The following ZNF157 variants were observed in gnomAD, a reference collection of about 807,000 sequenced individuals.
ZNF157 encodes zinc finger protein 22.
Under a neutral mutation model 9.4 loss-of-function variants are expected in ZNF157, and 8 were observed. The observed-to-expected ratio is 0.85, with a 90% CI of 0.50 to 1.53. ZNF157 has a LOEUF of 1.53. Ranked by LOEUF, ZNF157 falls within the 40% of genes most tolerant of loss-of-function variation. The pLI, the probability that ZNF157 is intolerant of heterozygous loss-of-function variation, is 0.00. For missense variants in ZNF157, 316 were observed against 385.2 expected (o/e 0.82, Z 1.50); for synonymous variants, 120 against 130.8 (o/e 0.92, Z 0.56).
chrX:47,386,472 T>C (rs1041999849), intron 1 of ZNF157, among the ~76,000 whole-genome samples: 1 of 111,612 alleles, frequency 9.0e-6, no homozygotes, highest in Non-Finnish European at 1.9e-5. Flanking sequence ...TTTTTTTGTT[T>C]TTTTTTGAGA....
intron 1 of ZNF157, among the ~76,000 whole-genome samples, chrX:47,403,360 TCTCA>T (rs759129674): frequency 4.2e-4 from 46 of 110,472 alleles, no homozygotes; most frequent in Middle Eastern, 9.4e-3. Flanking sequence ...TGAGATGGGG[TCTCA>T]CTCTTGTCAC....
intron 1 of ZNF157, among the ~76,000 whole-genome samples, chrX:47,410,017 T>G (rs761523777): frequency 3.6e-5 from 4 of 111,550 alleles, no homozygotes; most frequent in Non-Finnish European, 5.6e-5. Context: ...TTTCATTGGT[T>G]TTCCAGAAAT....
intron 1 of ZNF157, among the ~76,000 whole-genome samples, chrX:47,384,161 C>T (rs1455772832): frequency 9.1e-6 from 1 of 110,163 alleles, no homozygotes; most frequent in Non-Finnish European, 1.9e-5. Flanking sequence ...GCCTGTACTC[C>T]CAGCTTCTCA....
At chrX:47,405,293 G>T (rs1426765171) in intron 1 of ZNF157, among the ~76,000 whole-genome samples, 1 of 110,618 alleles carries the variant, frequency 9.0e-6, no homozygotes, top group East Asian at 2.8e-4. Flanking sequence ...GGAGGCTGAG[G>T]CAGGAGAATC....
At chrX:47,388,395 T>C (rs1602764247) in intron 1 of ZNF157, among the ~76,000 whole-genome samples, 2 of 109,487 alleles carry the variant, frequency 1.8e-5, no homozygotes, top group Admixed American at 2.0e-4. Flanking sequence ...TGTGTTTTTT[T>C]GTTTTTTTTT....
chrX:47,406,678 A>G (rs910359453), intron 1 of ZNF157, among the ~76,000 whole-genome samples: 1 of 112,419 alleles, frequency 8.9e-6, no homozygotes, highest in Non-Finnish European at 1.9e-5. Flanking sequence ...CCCGGCCGAA[A>G]CATGATTGAC....
chrX:47,397,483 C>T (rs772196290), intron 1 of ZNF157, among the ~76,000 whole-genome samples: 59 of 108,954 alleles, frequency 5.4e-4, no homozygotes, highest in South Asian at 8.1e-4. Context: ...AGCACAATCT[C>T]GGCTCACTGC....
intron 1 of ZNF157, among the ~76,000 whole-genome samples, chrX:47,376,570 C>T (rs1167743171): frequency 2.7e-5 from 3 of 111,178 alleles, no homozygotes; most frequent in Non-Finnish European, 5.7e-5. Context: ...GAGCCACGAT[C>T]GCGTCATTGT....
At chrX:47,388,261 G>T (rs1357303475) in intron 1 of ZNF157, among the ~76,000 whole-genome samples, 2 of 108,988 alleles carry the variant, frequency 1.8e-5, no homozygotes, top group Non-Finnish European at 3.8e-5. Context: ...TAATTTTTTT[G>T]ATTTTTAGTA....
chrX:47,373,322 T>C (rs756141798), intron 1 of ZNF157, among the ~76,000 whole-genome samples: 1 of 111,543 alleles, frequency 9.0e-6, no homozygotes, highest in South Asian at 3.8e-4. Flanking sequence ...CAGTTGTAGG[T>C]AAAGAAAGGC....
At chrX:47,396,114 G>A (rs1348556396) in intron 1 of ZNF157, among the ~76,000 whole-genome samples, 1 of 111,132 alleles carries the variant, frequency 9.0e-6, no homozygotes, top group Non-Finnish European at 1.9e-5. Context: ...AAATAAGGAA[G>A]AAATACTCAT....
intron 1 of ZNF157, among the ~76,000 whole-genome samples, chrX:47,404,325 C>T (rs914818518): frequency 7.4e-5 from 8 of 108,664 alleles, no homozygotes. Context: ...CCACCATGCC[C>T]TGCTAATTTT....
At position 47,393,701 on chromosome X, in the gene ZNF157, G is replaced by A. The variant is rs1393784379; in HGVS notation, c.73-16575G>A. On this transcript the variant is annotated intron_variant, in intron 1 of 3. Coordinates refer to ENST00000377073, the MANE Select transcript of ZNF157 (RefSeq NM_003446.4). ...CTGTCTCAGCCTCCCAAATAGCTGG[G>A]ACTACCGGATTGAGCTACCATCCCC... Among the ~76,000 whole-genome samples the A allele has an allele frequency of 2.8e-5, 3 of 107,061 alleles. No individual in the cohort carries two copies. The East Asian group carries it at 8.8e-4, about 31-fold the overall frequency. 93.0% of individuals were successfully genotyped at this position (107,061 alleles called of 115,157 possible).
chrX:47,397,768 A>G (rs895524980), intron 1 of ZNF157, among the ~76,000 whole-genome samples: 4 of 108,022 alleles, frequency 3.7e-5, no homozygotes, highest in African/African-American at 1.4e-4. Context: ...CAATACAGCA[A>G]CTCCCTTCTT....
intron 1 of ZNF157, among the ~76,000 whole-genome samples, chrX:47,387,245 C>T (rs958725861): frequency 9.1e-6 from 1 of 110,434 alleles, no homozygotes; most frequent in Non-Finnish European, 1.9e-5. Flanking sequence ...GCCTCAGCCT[C>T]CCGAGTAGCC....
chrX:47,379,264 A>T (rs1189802609), intron 1 of ZNF157, among the ~76,000 whole-genome samples: 2 of 110,245 alleles, frequency 1.8e-5, no homozygotes, highest in Non-Finnish European at 3.8e-5. Flanking sequence ...AAGTGCTGTG[A>T]TTACAGGCAT....
intron 1 of ZNF157, among the ~76,000 whole-genome samples, chrX:47,376,378 GC>G (rs2055844945): frequency 8.9e-6 from 1 of 112,094 alleles, no homozygotes; most frequent in South Asian, 3.7e-4. Flanking sequence ...ACTTTGGGAG[GC>G]TGAGGCAGGT....
chrX:47,396,527 G>A (rs990194583), intron 1 of ZNF157, among the ~76,000 whole-genome samples: 8 of 109,936 alleles, frequency 7.3e-5, no homozygotes, highest in South Asian at 3.9e-4. Flanking sequence ...CAACAAGAGC[G>A]AAACTCCGTC....
At chrX:47,389,493 G>C (rs1026438471) in intron 1 of ZNF157, among the ~76,000 whole-genome samples, 1 of 111,406 alleles carries the variant, frequency 9.0e-6, no homozygotes, top group Non-Finnish European at 1.9e-5. Flanking sequence ...TGAGACTACA[G>C]GCGCACGTCG....
Sources: allele counts gnomAD v4.1 joint callset (sites outside exome capture counted in the v4.1 genomes callset), GRCh38; gene constraint gnomAD v4.1.1; transcripts MANE v1.5; gene names NCBI Gene and HGNC (gene_info 2026-07-23, HGNC 2026-07-21).